The following SH3RF2 variants were observed in gnomAD, a reference collection of about 807,000 sequenced individuals.
SH3RF2 encodes the protein E3 ubiquitin-protein ligase SH3RF2.
SH3RF2 carries 43 observed loss-of-function variants against 59.0 expected under a neutral mutation model. The ratio of observed to expected loss-of-function variants is 0.73; its 90% CI spans 0.57 to 0.94. The LOEUF (loss-of-function observed/expected upper bound fraction) is 0.94. Ranked by LOEUF, SH3RF2 falls within the 40% of genes least tolerant of loss-of-function variation. The pLI, the probability that SH3RF2 is intolerant of heterozygous loss-of-function variation, is 0.00. For synonymous variants in SH3RF2, 391 were observed against 391.5 expected, an observed-to-expected ratio of 1.00 and a Z score of 0.01; for missense variants, 930 against 940.1, an observed-to-expected ratio of 0.99 and a Z score of 0.14.
intron 5 of SH3RF2, among the ~76,000 whole-genome samples, chr5:146,025,006 G>A (rs72818483): frequency 0.036 from 5,433 of 152,196 alleles, 117 homozygotes; most frequent in Non-Finnish European, 0.049. Context: ...ATTTCATTAG[G>A]GGTTGCAAAA....
intron 9 of SH3RF2, among the ~76,000 whole-genome samples, chr5:146,071,168 TAC>T (rs1247092476): frequency 6.6e-6 from 1 of 152,192 alleles, no homozygotes; most frequent in Non-Finnish European, 1.5e-5. Flanking sequence ...AATCAAAATG[TAC>T]AGAGGCAGCT....
chr5:146,056,259 G>A (rs768181848), intron 8 of SH3RF2, 46 bp downstream of exon 8: 12 of 1,612,824 alleles, frequency 7.4e-6, no homozygotes, highest in Non-Finnish European at 1.0e-5. Context: ...AGTGATGGGG[G>A]GAATCTGACC....
intron 9 of SH3RF2, among the ~76,000 whole-genome samples, chr5:146,075,592 A>C (rs68022863): frequency 0.23 from 34,276 of 151,782 alleles, 4,876 homozygotes; most frequent in Admixed American, 0.34. Flanking sequence ...GGGTGGATCA[A>C]CTGAAGTCAG....
At chr5:145,939,787 C>G (rs921653658) in intron 2 of SH3RF2, among the ~76,000 whole-genome samples, 16 of 152,100 alleles carry the variant, frequency 1.1e-4, no homozygotes, top group Admixed American at 7.2e-4. Context: ...CAGCAAATCC[C>G]CCTTGAATTC....
intron 5 of SH3RF2, among the ~76,000 whole-genome samples, chr5:146,020,024 C>A (rs943740204): frequency 3.3e-5 from 5 of 152,030 alleles, no homozygotes; most frequent in African/African-American, 1.2e-4. Context: ...TTAGGGTTTT[C>A]TAGGTATAAG....
intron 2 of SH3RF2, among the ~76,000 whole-genome samples, chr5:145,950,399 A>T (rs948198184): frequency 6.6e-6 from 1 of 152,196 alleles, no homozygotes; most frequent in Non-Finnish European, 1.5e-5. Context: ...AATGTTGTTG[A>T]TGAGCTTCTG....
exon 10 of SH3RF2, chr5:146,078,960 C>T (rs913999612): frequency 6.6e-6 from 1 of 152,202 alleles, no homozygotes; most frequent in African/African-American, 2.4e-5. Flanking sequence ...ACAATGTCCC[C>T]TAGCCATCAC....
chr5:145,996,187 T>A (rs879002267), intron 2 of SH3RF2, among the ~76,000 whole-genome samples: 1 of 152,208 alleles, frequency 6.6e-6, no homozygotes, highest in Admixed American at 6.5e-5. Flanking sequence ...TTTCAAATGA[T>A]CATTGCGGAT....
At chr5:146,028,827 T>C (rs922449232) in intron 5 of SH3RF2, among the ~76,000 whole-genome samples, 2 of 152,146 alleles carry the variant, frequency 1.3e-5, no homozygotes, top group Non-Finnish European at 2.9e-5. Context: ...TAGAAGGGCT[T>C]TGGGGAAACC....
chr5:146,009,112 G>C (rs1760771461), intron 4 of SH3RF2, among the ~76,000 whole-genome samples: 1 of 152,150 alleles, frequency 6.6e-6, no homozygotes, highest in Admixed American at 6.5e-5. Flanking sequence ...TTTTTGAGTG[G>C]GCACAAGTTT....
At chr5:146,056,547 G>A (rs1229138787) in intron 8 of SH3RF2, among the ~76,000 whole-genome samples, 3 of 152,154 alleles carry the variant, frequency 2.0e-5, no homozygotes, top group South Asian at 2.1e-4. Context: ...TTCTCAAACT[G>A]TATTCCAAGG....
intron 2 of SH3RF2, among the ~76,000 whole-genome samples, chr5:145,956,893 G>A (rs903126505): frequency 1.3e-5 from 2 of 152,184 alleles, no homozygotes; most frequent in Non-Finnish European, 2.9e-5. Flanking sequence ...AAAAGATTGG[G>A]TTATTCCTGC....
chr5:146,021,567 A>T (rs1254937983), intron 5 of SH3RF2, among the ~76,000 whole-genome samples: 1 of 152,132 alleles, frequency 6.6e-6, no homozygotes, highest in Non-Finnish European at 1.5e-5. Flanking sequence ...GAGTGTCTGA[A>T]ATGTGTTTGT....
At chr5:145,991,340 A>G (rs2149976903) in intron 2 of SH3RF2, among the ~76,000 whole-genome samples, 1 of 152,336 alleles carries the variant, frequency 6.6e-6, no homozygotes, top group East Asian at 1.9e-4. Flanking sequence ...ATGAGATAAT[A>G]CATGGAAAGT....
chr5:145,945,474 A>G (rs1757975466), intron 2 of SH3RF2, among the ~76,000 whole-genome samples: 1 of 152,208 alleles, frequency 6.6e-6, no homozygotes, highest in Non-Finnish European at 1.5e-5. Context: ...TGAAAATATC[A>G]GGTGGCAAGG....
rs770886596 is a variant in SH3RF2 at position 146,033,539 on chromosome 5, C to T, written c.1060-14233C>T. Among the ~76,000 whole-genome samples, 15 of 138,478 alleles carry T rather than the reference C, an allele frequency of 1.1e-4. No homozygotes were observed. The South Asian group carries it at 1.7e-3, about 16-fold the overall frequency. The allele number at this position is 138,478 out of a possible 152,430, so 90.8% of individuals were successfully genotyped here. A position where few individuals can be genotyped will look rare whatever the true frequency, so the allele number is the denominator to read the frequency against. On this transcript the variant is annotated intron_variant, in intron 5 of 9. Transcript: ENST00000359120. ...AGGCTGGAGTGCAAAGGCCCGATCT[C>T]GGCTCACTGCAACCTCCGTCTCCCA...
intron 2 of SH3RF2, among the ~76,000 whole-genome samples, chr5:145,986,721 A>G (rs1561724772): frequency 6.6e-6 from 1 of 152,184 alleles, no homozygotes; most frequent in Non-Finnish European, 1.5e-5. Flanking sequence ...AGCCAGGGAT[A>G]TGGCTCTAGA....
At chr5:146,043,626 T>C (rs779235828) in intron 5 of SH3RF2, 6 of 152,290 alleles carry the variant, frequency 3.9e-5, no homozygotes, top group Non-Finnish European at 5.9e-5. Flanking sequence ...CCCTTTGCTA[T>C]CAATCCTGTC....
At chr5:146,039,436 C>T (rs538501611) in intron 5 of SH3RF2, among the ~76,000 whole-genome samples, 16 of 151,272 alleles carry the variant, frequency 1.1e-4, no homozygotes, top group East Asian at 7.8e-4. Context: ...GAGCGGGATA[C>T]GAAGGGCATG....
Sources: gnomAD v4.1 joint callset for allele counts (sites outside exome capture counted in the v4.1 genomes callset) on GRCh38, gnomAD v4.1.1 for gene constraint, MANE v1.5 for transcripts, NCBI Gene and HGNC (gene_info 2026-07-23, HGNC 2026-07-21) for gene names.